The following EXOSC7 variants were observed in gnomAD, a reference collection of about 807,000 sequenced individuals.
EXOSC7 encodes the protein exosome component 7.
Under a neutral mutation model 34.3 loss-of-function variants are expected in EXOSC7, and 25 were observed. The observed-to-expected ratio is 0.73, with a 90% CI of 0.53 to 1.02. The LOEUF (loss-of-function observed/expected upper bound fraction) is 1.02, where lower values mean the gene tolerates loss of function less well. EXOSC7 is among the 50% of genes least tolerant of loss of function. EXOSC7 has a pLI of 0.00. For missense variants in EXOSC7, 370 were observed against 368.5 expected, an observed-to-expected ratio of 1.00 and a Z score of -0.03; for synonymous variants, 130 against 143.0, an observed-to-expected ratio of 0.91 and a Z score of 0.65.
At chr3:45,003,342 C>T (rs75662151) in intron 5 of EXOSC7, among the ~76,000 whole-genome samples, 1 of 80,280 alleles carries the variant, frequency 1.2e-5, no homozygotes, top group Non-Finnish European at 2.8e-5. Flanking sequence ...TGCGTGCGTG[C>T]GTGCGTGCGT....
intron 7 of EXOSC7, among the ~76,000 whole-genome samples, chr3:45,010,381 G>T (rs1707171467): frequency 6.6e-6 from 1 of 151,978 alleles, no homozygotes; most frequent in African/African-American, 2.4e-5. Context: ...CTGAGTAGCT[G>T]GGTCTACAGG....
chr3:44,985,382 C>T (rs531523233), intron 1 of EXOSC7, among the ~76,000 whole-genome samples: 5 of 152,190 alleles, frequency 3.3e-5, no homozygotes, highest in East Asian at 1.9e-4. Flanking sequence ...TGCAGACCCT[C>T]GCGGTGAGTG....
intron 1 of EXOSC7, among the ~76,000 whole-genome samples, chr3:44,979,025 G>A (rs985061351): frequency 6.6e-6 from 1 of 152,124 alleles, no homozygotes; most frequent in African/African-American, 2.4e-5. Flanking sequence ...ACATATTTGG[G>A]CACAGTTGTT....
chr3:44,986,750 A>G (rs1010370129), intron 1 of EXOSC7, among the ~76,000 whole-genome samples: 3 of 152,230 alleles, frequency 2.0e-5, no homozygotes, highest in African/African-American at 7.2e-5. Context: ...CTGTCATTGA[A>G]AAGTTAAACG....
chr3:45,005,669 T>G (rs1707015831), intron 6 of EXOSC7, among the ~76,000 whole-genome samples: 1 of 152,198 alleles, frequency 6.6e-6, no homozygotes, highest in Non-Finnish European at 1.5e-5. Flanking sequence ...AGCCAGAGTT[T>G]GTTAAGCTCC....
Position 45,011,461 on chromosome 3 carries a change from A to G in EXOSC7, c.*122A>G, listed in dbSNP as rs1707211916. On this transcript the variant is annotated 3_prime_UTR_variant, in exon 8 of 8. Transcript: ENST00000265564. ...ATTTGTACATGTAAAATTAAAGGCTATTTTCTGGTCTGGTTTGGTATGTCT... is the reference window on the plus strand; with the variant it reads ...ATTTGTACATGTAAAATTAAAGGCTGTTTTCTGGTCTGGTTTGGTATGTCT... The G allele has an allele frequency of 1.0e-5, 7 of 677,318 alleles. No individual in the cohort carries two copies. In the Middle Eastern group the frequency reaches 1.0e-3, roughly 97 times the overall value. The allele number at this position is 677,318 out of a possible 1,614,324, so 42.0% of individuals were successfully genotyped here.
downstream of EXOSC7, chr3:45,011,540 C>G (rs1239473215): frequency 7.1e-6 from 3 of 421,908 alleles, no homozygotes; most frequent in Non-Finnish European, 1.3e-5. Context: ...TGGGTCTGGC[C>G]CTTATCTAGT....
At chr3:44,998,862 C>T (rs182037607) in intron 4 of EXOSC7, among the ~76,000 whole-genome samples, 7 of 152,280 alleles carry the variant, frequency 4.6e-5, no homozygotes, top group Admixed American at 3.3e-4. Context: ...ACCTGGCAGC[C>T]TGTAGTCCTT....
intron 6 of EXOSC7, among the ~76,000 whole-genome samples, chr3:45,005,855 A>G (rs771771241): frequency 6.6e-6 from 1 of 152,100 alleles, no homozygotes; most frequent in Admixed American, 6.6e-5. Context: ...TGTGGAGCTG[A>G]ACATCAGGCT....
intron 4 of EXOSC7, among the ~76,000 whole-genome samples, chr3:44,998,136 A>G (rs532679630): frequency 2.6e-5 from 4 of 151,024 alleles, no homozygotes; most frequent in Non-Finnish European, 5.9e-5. Flanking sequence ...CCCAGGTTCA[A>G]TCGATTCTCA....
intron 5 of EXOSC7, among the ~76,000 whole-genome samples, chr3:45,003,760 G>A (rs1576023290): frequency 6.6e-6 from 1 of 152,134 alleles, no homozygotes; most frequent in Non-Finnish European, 1.5e-5. Flanking sequence ...GTACCCCCAT[G>A]CAATTACACT....
At chr3:44,997,965 A>T (rs1057246252) in intron 4 of EXOSC7, among the ~76,000 whole-genome samples, 3 of 144,930 alleles carry the variant, frequency 2.1e-5, no homozygotes, top group Admixed American at 2.1e-4. Context: ...CCTCCCAAAT[A>T]CTCCTCTACC....
chr3:44,993,401 G>A (rs556842566), intron 3 of EXOSC7, among the ~76,000 whole-genome samples: 1 of 152,150 alleles, frequency 6.6e-6, no homozygotes, highest in Admixed American at 6.5e-5. Flanking sequence ...TCTGCTGTGG[G>A]CCTGGCCTGA....
chr3:45,010,000 C>G (rs778704541), intron 7 of EXOSC7, among the ~76,000 whole-genome samples: 3 of 152,116 alleles, frequency 2.0e-5, no homozygotes, highest in African/African-American at 7.2e-5. Flanking sequence ...AGAAGACACA[C>G]AAGTCATTAC....
At chr3:44,985,845 T>C (rs1706395172) in intron 1 of EXOSC7, among the ~76,000 whole-genome samples, 1 of 152,152 alleles carries the variant, frequency 6.6e-6, no homozygotes, top group South Asian at 2.1e-4. Context: ...GACAGGGTGC[T>C]GATTGGTGCG....
Position 44,989,204 on chromosome 3 carries a change from T to G in EXOSC7, c.122T>G (p.Val41Gly). Residue 41 changes from valine (V) to glycine (G), a missense_variant, in exon 2 of 8, where the codon GTG (valine) becomes GGG (glycine). Physicochemically the swap from Val to Gly is moderately radical, Grantham distance 109. Transcript: ENST00000265564. ...DYRCVEVETD[V>G]VSNTSGSARV... ...CGATGTGTCGAAGTGGAAACTGATG[T>G]GGTGTCCAACACTAGTGGGTCCGCC... 1 of 1,614,134 alleles carries G rather than the reference T, an allele frequency of 6.2e-7. No homozygotes were observed. Among genetic ancestry groups the G allele is most frequent in the South Asian group, 1.1e-5 (1 of 91,080 alleles).
At chr3:45,003,487 C>G (rs1265708551) in intron 5 of EXOSC7, among the ~76,000 whole-genome samples, 2 of 152,158 alleles carry the variant, frequency 1.3e-5, no homozygotes, top group African/African-American at 2.4e-5. Context: ...TCAACATTCT[C>G]TGGCTGAAGC....
intron 4 of EXOSC7, 104 bp from the exon 5 acceptor site, chr3:45,001,434 C>G (rs1209710726): frequency 8.2e-6 from 7 of 856,550 alleles, no homozygotes; most frequent in Admixed American, 1.8e-5. Context: ...CAGAGCGAGA[C>G]TCTGTCTCAA....
chr3:45,000,948 A>G (rs1479468250), intron 4 of EXOSC7, among the ~76,000 whole-genome samples: 1 of 152,142 alleles, frequency 6.6e-6, no homozygotes, highest in Non-Finnish European at 1.5e-5. Context: ...AGCCCTGCCA[A>G]CTGTGACCTT....
Sources: allele counts gnomAD v4.1 joint callset (sites outside exome capture counted in the v4.1 genomes callset), GRCh38; gene constraint gnomAD v4.1.1; transcripts MANE v1.5; gene names NCBI Gene and HGNC (gene_info 2026-07-23, HGNC 2026-07-21).